Variants in CRACDL observed in about 807,000 individuals in gnomAD.
The protein encoded by CRACDL is CRACD-like protein.
CRACDL carries 26 observed loss-of-function variants against 70.6 expected under a neutral mutation model. The ratio of observed to expected loss-of-function variants is 0.37; its 90% CI spans 0.27 to 0.51. The LOEUF (loss-of-function observed/expected upper bound fraction) is 0.51. Among genes scored for constraint, CRACDL ranks in the 20% least tolerant of loss-of-function variants. CRACDL has a pLI of 0.94. For synonymous variants in CRACDL, 618 were observed against 615.2 expected (o/e 1.00, Z -0.07); for missense variants, 1,283 against 1,376.9 (o/e 0.93, Z 1.08).
At chr2:98,796,742 AAC>A (rs1170699713) in intron 8 of CRACDL, among the ~76,000 whole-genome samples, 5 of 152,316 alleles carry the variant, frequency 3.3e-5, no homozygotes, top group Non-Finnish European at 7.3e-5. Flanking sequence ...ACATGGCTGA[AAC>A]ACACAGATTC....
intron 1 of CRACDL, among the ~76,000 whole-genome samples, chr2:98,902,125 C>T (rs1708298350): frequency 6.6e-6 from 1 of 152,218 alleles, no homozygotes; most frequent in African/African-American, 2.4e-5. Flanking sequence ...CGATCCTAAA[C>T]TGTGACTTGG....
chr2:98,857,120 C>T (rs534108627), intron 1 of CRACDL, among the ~76,000 whole-genome samples: 67 of 152,262 alleles, frequency 4.4e-4, no homozygotes, highest in Non-Finnish European at 8.2e-4. Flanking sequence ...TCTCCAGGTG[C>T]AATTTGCATA....
chr2:98,904,072 C>T (rs1268237020), intron 1 of CRACDL, among the ~76,000 whole-genome samples: 3 of 152,188 alleles, frequency 2.0e-5, no homozygotes, highest in Admixed American at 1.3e-4. Context: ...TTGGAGTTCC[C>T]GTCAGCCTCA....
At chr2:98,934,195 CTTTTTTTTTT>C (rs34592936) in intron 1 of CRACDL, among the ~76,000 whole-genome samples, 1 of 80,078 alleles carries the variant, frequency 1.2e-5, no homozygotes, top group African/African-American at 4.8e-5. Flanking sequence ...AAGATTCATC[CTTTTTTTTTT>C]TTTTTTTTTT....
At chr2:98,854,779 T>C (rs1213429160) in intron 1 of CRACDL, among the ~76,000 whole-genome samples, 1 of 152,116 alleles carries the variant, frequency 6.6e-6, no homozygotes, top group East Asian at 1.9e-4. Context: ...AAAATAACTC[T>C]CTAGTACTAT....
intron 1 of CRACDL, among the ~76,000 whole-genome samples, chr2:98,880,109 G>C (rs1707603791): frequency 6.6e-6 from 1 of 152,248 alleles, no homozygotes; most frequent in South Asian, 2.1e-4. Flanking sequence ...TATTAATACA[G>C]TGCAACGCGT....
intron 1 of CRACDL, among the ~76,000 whole-genome samples, chr2:98,928,816 T>C: frequency 6.6e-6 from 1 of 152,154 alleles, no homozygotes; most frequent in East Asian, 1.9e-4. Flanking sequence ...CCAGAGAGCA[T>C]ACTGGAAGCA....
chr2:98,853,012 G>C (rs1241302482), intron 1 of CRACDL, among the ~76,000 whole-genome samples: 2 of 127,144 alleles, frequency 1.6e-5, no homozygotes, highest in East Asian at 5.4e-4. Context: ...GGAGGGGAGG[G>C]GAGGGGAAGG....
intron 1 of CRACDL, among the ~76,000 whole-genome samples, chr2:98,931,082 C>G (rs550310946): frequency 2.0e-5 from 3 of 151,964 alleles, no homozygotes; most frequent in Non-Finnish European, 2.9e-5. Flanking sequence ...CCCAGCACTT[C>G]GGGAGGCCAT....
At chr2:98,866,441 C>G (rs1165970735) in intron 1 of CRACDL, among the ~76,000 whole-genome samples, 4 of 145,142 alleles carry the variant, frequency 2.8e-5, no homozygotes, top group Admixed American at 7.1e-5. Context: ...AGGCACTTAG[C>G]AGTAACACCT....
At chr2:98,797,297 C>T in intron 8 of CRACDL, 53 bp downstream of exon 8, 1 of 1,564,830 alleles carries the variant, frequency 6.4e-7, no homozygotes. Flanking sequence ...GCCCCAGTCC[C>T]AGCTGGCTGC....
intron 1 of CRACDL, among the ~76,000 whole-genome samples, chr2:98,929,136 A>G (rs908237614): frequency 4.6e-5 from 7 of 152,240 alleles, no homozygotes; most frequent in Admixed American, 4.6e-4. Flanking sequence ...TCCTTAGGGA[A>G]CAAAGGTCAA....
intron 1 of CRACDL, chr2:98,897,249 T>C (rs1249139102): frequency 2.4e-6 from 1 of 421,716 alleles, no homozygotes; most frequent in East Asian, 7.4e-5. Flanking sequence ...CAAAGTGTGA[T>C]GCTTTTGAGC....
At chr2:98,864,639 T>C (rs1707064163) in intron 1 of CRACDL, among the ~76,000 whole-genome samples, 1 of 151,186 alleles carries the variant, frequency 6.6e-6, no homozygotes, top group South Asian at 2.1e-4. Flanking sequence ...CTCCGCCTCC[T>C]AGGTTCAAGC....
intron 1 of CRACDL, among the ~76,000 whole-genome samples, chr2:98,880,470 A>C (rs187833707): frequency 6.6e-6 from 1 of 152,334 alleles, no homozygotes; most frequent in East Asian, 1.9e-4. Context: ...AAAAGGTAGC[A>C]TCATCAGGTG....
intron 7 of CRACDL, among the ~76,000 whole-genome samples, chr2:98,818,677 G>T (rs1372583804): frequency 6.6e-6 from 1 of 152,164 alleles, no homozygotes; most frequent in Non-Finnish European, 1.5e-5. Flanking sequence ...TGTAATTTGG[G>T]AGCAATGAGA....
intron 1 of CRACDL, among the ~76,000 whole-genome samples, chr2:98,920,250 G>A (rs182272765): frequency 9.7e-4 from 148 of 152,200 alleles, no homozygotes; most frequent in African/African-American, 3.5e-3. Context: ...TTCATTATCC[G>A]GATTGTACAC....
rs76236076 is a variant in CRACDL at position 98,870,226 on chromosome 2, C to T, written c.-10-23416G>A. On this transcript the variant is annotated intron_variant, in intron 1 of 9. Transcript: ENST00000397899. ...GACAGAGGGCTCTGGGTGGCAGGTG[C>T]GATTCTATGTTAGTAAAACTCAGGA... Among the ~76,000 whole-genome samples the T allele has an allele frequency of 4.1e-3, 630 of 152,228 alleles. 5 individuals carry two copies. The highest frequency in any genetic ancestry group is 0.014 in the African/African-American group (585 of 41,506).
intron 1 of CRACDL, among the ~76,000 whole-genome samples, chr2:98,883,991 GA>G (rs1224416677): frequency 1.3e-5 from 2 of 152,248 alleles, no homozygotes; most frequent in Non-Finnish European, 2.9e-5. Flanking sequence ...CTGGGATTCA[GA>G]AATAGTGCCG....
Sources: allele counts gnomAD v4.1 joint callset (sites outside exome capture counted in the v4.1 genomes callset), GRCh38; gene constraint gnomAD v4.1.1; transcripts MANE v1.5; gene names NCBI Gene and HGNC (gene_info 2026-07-23, HGNC 2026-07-21).